Variants in ZNF75A observed in about 807,000 individuals in gnomAD.
ZNF75A encodes zinc finger protein 75A.
A neutral mutation model predicts 46.3 loss-of-function variants in ZNF75A; 36 were observed. That is an observed-to-expected ratio of 0.78 (90% CI 0.60 to 1.03). ZNF75A has a LOEUF of 1.03. ZNF75A is among the 50% of genes least tolerant of loss of function. The pLI is 0.00. For synonymous variants in ZNF75A, 234 were observed against 189.9 expected, an observed-to-expected ratio of 1.23 and a Z score of -1.91; for missense variants, 595 against 551.3, an observed-to-expected ratio of 1.08 and a Z score of -0.79.
chr16:3,319,366 C>T (rs141596077), downstream of ZNF75A, among the ~76,000 whole-genome samples: 4,612 of 152,214 alleles, frequency 0.03, 258 homozygotes, highest in African/African-American at 0.1. Context: ...CCACCCGCCT[C>T]GGCCTCCCAA....
In ZNF75A at chr16:3,318,405, G is replaced by T. The variant is rs528648899; in HGVS notation, c.*536G>T. ...ATGAAATCTTGTTAACCACCACTAG[G>T]GAATCTCCAGATGAACTATTAATGC... On this transcript the variant is annotated 3_prime_UTR_variant, in exon 7 of 7. Transcript: ENST00000669516. 1.4e-5 allele frequency: 14 copies of T among 986,650 alleles called. No individual in the cohort carries two copies. In the African/African-American group the frequency reaches 2.4e-4, roughly 17 times the overall value. 61.1% of individuals were successfully genotyped at this position (986,650 alleles called of 1,614,324 possible). A position where few individuals can be genotyped will look rare whatever the true frequency, so the allele number is the denominator to read the frequency against.
In ZNF75A at chr16:3,305,646, A is replaced by C. The variant is rs1251637767; in HGVS notation, c.-117+3A>C. On this transcript the variant is annotated splice_donor_region_variant and intron_variant, in intron 1 of 6. Coordinates refer to ENST00000669516, the MANE Select transcript of ZNF75A (RefSeq NM_001302109.2). ...CCACGGAAGCCAAGCTGGCCGAGGT[A>C]ACCGAGAAGCGGCTTCCCCTATGGC... The C allele has an allele frequency of 1.3e-5, 2 of 152,202 alleles. No individual in the cohort carries two copies. Among genetic ancestry groups the C allele is most frequent in the Non-Finnish European group, 2.9e-5 (2 of 68,046 alleles). 9.4% of individuals were successfully genotyped at this position (152,202 alleles called of 1,614,324 possible).
downstream of ZNF75A, among the ~76,000 whole-genome samples, chr16:3,320,069 G>A (rs1038529290): frequency 2.0e-5 from 3 of 151,414 alleles, no homozygotes; most frequent in South Asian, 2.1e-4. Context: ...TTCTTGAGAC[G>A]GAGTCTCGCT....
At chr16:3,310,204 A>G (rs1401422500) in intron 2 of ZNF75A, among the ~76,000 whole-genome samples, 2 of 151,624 alleles carry the variant, frequency 1.3e-5, no homozygotes, top group Non-Finnish European at 2.9e-5. Context: ...AACCAGCCTG[A>G]CCAACATGCT....
Position 3,312,944 on chromosome 16 carries a change from T to A in ZNF75A, c.697-105T>A, listed in dbSNP as rs189975036. 1.6e-4 allele frequency: 226 copies of A among 1,409,388 alleles called. 8 individuals are homozygous for A. The East Asian group carries it at 2.6e-3, about 16-fold the overall frequency. 87.3% of individuals were successfully genotyped at this position (1,409,388 alleles called of 1,614,324 possible). A position where few individuals can be genotyped will look rare whatever the true frequency, so the allele number is the denominator to read the frequency against. On this transcript the variant is annotated intron_variant, in intron 4 of 6. Coordinates refer to ENST00000669516, the MANE Select transcript of ZNF75A (RefSeq NM_001302109.2). ...TTTTCTGCCTTCTCACTTAAAAAAA[T>A]CATGTTCTTTTAATTCCTTTATCGC...
chr16:3,321,170 A>T (rs1379869626), downstream of ZNF75A, among the ~76,000 whole-genome samples: 2 of 152,266 alleles, frequency 1.3e-5, no homozygotes, highest in Non-Finnish European at 2.9e-5. Context: ...TGCTTTAAAA[A>T]TGAAATGAGA....
intron 5 of ZNF75A, among the ~76,000 whole-genome samples, chr16:3,314,561 C>G (rs1961054224): frequency 6.6e-6 from 1 of 152,240 alleles, no homozygotes; most frequent in South Asian, 2.1e-4. Context: ...CTGGGTACCT[C>G]CTAGGCTGTT....
chr16:3,315,705 A>G (rs994644441), intron 5 of ZNF75A, among the ~76,000 whole-genome samples: 8 of 152,128 alleles, frequency 5.3e-5, no homozygotes, highest in Non-Finnish European at 1.0e-4. Flanking sequence ...TTGTCCTCCC[A>G]CAGTCTGTTT....
In ZNF75A at chr16:3,317,607, C is replaced by G. The variant is rs769699442; in HGVS notation, c.1352C>G (p.Thr451Arg). 6.2e-7 allele frequency: 1 copy of G among 1,614,126 alleles called. No homozygotes were observed. The highest frequency in any genetic ancestry group is 2.2e-5 in the East Asian group (1 of 44,878). The change falls in exon 7 of 7, where the codon ACA becomes AGA. Residue 451 changes from threonine to arginine, a missense_variant. By Grantham distance (71) the Thr-to-Arg change is moderately conservative (BLOSUM62 -1). Transcript: ENST00000669516. ...TCAGATCTTAATAAGCACTTAACAA[C>G]ACACCAAGGAATAAAACCATATAAA... ...WSSDLNKHLT[T>R]HQGIKPYKCS...
downstream of ZNF75A, among the ~76,000 whole-genome samples, chr16:3,321,935 A>C (rs891928333): frequency 6.6e-6 from 1 of 152,194 alleles, no homozygotes; most frequent in Non-Finnish European, 1.5e-5. Context: ...TTTTATCCAA[A>C]TGGACAATTG....
At chr16:3,314,764 G>C (rs1961072146) in intron 5 of ZNF75A, 1 of 985,288 alleles carries the variant, frequency 1.0e-6, no homozygotes, top group African/African-American at 1.7e-5. Context: ...GACATTTGAA[G>C]AAGTGGCCAT....
chr16:3,312,964 T>C (rs1221471904), intron 4 of ZNF75A, 85 bp from the exon 5 acceptor site: 2 of 1,474,570 alleles, frequency 1.4e-6, no homozygotes, highest in Non-Finnish European at 1.8e-6. Context: ...TTAATTCCTT[T>C]ATCGCCTGGC....
downstream of ZNF75A, among the ~76,000 whole-genome samples, chr16:3,322,150 T>C (rs1028194941): frequency 1.3e-5 from 2 of 152,234 alleles, no homozygotes; most frequent in African/African-American, 4.8e-5. Flanking sequence ...TTCTCTCCTA[T>C]GTAGACTCTC....
Position 3,312,662 on chromosome 16 carries a change from C to T in ZNF75A, c.605-15C>T. ...TAGATAAAAGAGATTTCTTCTGGCT[C>T]TTTTCCCCCCACAGCTGTGCCTACT... On this transcript the variant is annotated splice_polypyrimidine_tract_variant and intron_variant, in intron 3 of 6. Coordinates refer to ENST00000669516, the MANE Select transcript of ZNF75A (RefSeq NM_001302109.2). 4 of 992,864 alleles carry T rather than the reference C, an allele frequency of 4.0e-6. No individual in the cohort carries two copies. Among genetic ancestry groups the T allele is most frequent in the Non-Finnish European group, 4.8e-6 (4 of 831,486 alleles). The allele number at this position is 992,864 out of a possible 1,614,324, so 61.5% of individuals were successfully genotyped here.
downstream of ZNF75A, among the ~76,000 whole-genome samples, chr16:3,319,275 G>T (rs1274362614): frequency 6.6e-6 from 1 of 152,010 alleles, no homozygotes; most frequent in East Asian, 1.9e-4. Context: ...CACCACGCCT[G>T]GCTAATTTTT....
At chr16:3,320,710 G>GT (rs1022438955), downstream of ZNF75A, among the ~76,000 whole-genome samples, 3 of 152,204 alleles carry the variant, frequency 2.0e-5, no homozygotes, top group Admixed American at 2.0e-4. Context: ...TATGGTGGGG[G>GT]TTAGGGGGTA....
rs1272697858 is a variant in ZNF75A at position 3,311,863 on chromosome 16, TGAA to T, written c.523_525del (p.Glu175del). On this transcript the variant is annotated inframe_deletion, in exon 3 of 7. Transcript: ENST00000669516. ...CCCAACCAGTGGGCGTATCCCAAGA[TGAA>T]GAATTTTGGAATACATACGAGGGTC... 9.7e-7 allele frequency: 1 copy of T among 1,028,230 alleles called. No homozygotes were observed. The highest frequency in any genetic ancestry group is 1.2e-6 in the Non-Finnish European group (1 of 851,858). 63.7% of individuals were successfully genotyped at this position (1,028,230 alleles called of 1,614,324 possible). A position where few individuals can be genotyped will look rare whatever the true frequency, so the allele number is the denominator to read the frequency against.
At chr16:3,321,684 A>G (rs980609120), downstream of ZNF75A, among the ~76,000 whole-genome samples, 2 of 152,054 alleles carry the variant, frequency 1.3e-5, no homozygotes, top group Non-Finnish European at 2.9e-5. Context: ...GCCCAGGCTG[A>G]TCTTGAACTC....
chr16:3,306,026 GC>G (rs1960193530), intron 1 of ZNF75A: 1 of 152,220 alleles, frequency 6.6e-6, no homozygotes, highest in Non-Finnish European at 1.5e-5. Context: ...GAGCCTCAGG[GC>G]TAGCAGCTTC....
Sources: allele counts gnomAD v4.1 joint callset (sites outside exome capture counted in the v4.1 genomes callset), GRCh38; gene constraint gnomAD v4.1.1; transcripts MANE v1.5; gene names NCBI Gene and HGNC (gene_info 2026-07-23, HGNC 2026-07-21).